CHSY3: variants seen among roughly 807,000 people sequenced by gnomAD.
CHSY3 encodes chondroitin sulfate synthase 3.
CHSY3 carries 35 observed loss-of-function variants against 67.2 expected under a neutral mutation model. The ratio of observed to expected loss-of-function variants is 0.52; its 90% CI spans 0.40 to 0.69. The LOEUF is 0.69. Among genes scored for constraint, CHSY3 ranks in the 30% least tolerant of loss-of-function variants. The probability of loss-of-function intolerance (pLI) is 0.00; values close to 1 mark genes in which losing one functional copy is unlikely to be tolerated. For missense variants in CHSY3, 1,069 were observed against 1,138.5 expected (o/e 0.94, Z 0.88); for synonymous variants, 474 against 434.7 (o/e 1.09, Z -1.12).
At chr5:130,037,405 G>T (rs1764890908) in intron 2 of CHSY3, among the ~76,000 whole-genome samples, 1 of 151,926 alleles carries the variant, frequency 6.6e-6, no homozygotes, top group African/African-American at 2.4e-5. Flanking sequence ...TGTTAGAGTT[G>T]GCGAAATAAA....
chr5:130,185,666 T>A lies in CHSY3; in HGVS notation c.2524T>A (p.Leu842Met). ...IFHPVHCDPNLDPKQYKMCLG... is the reference protein window; with the variant it reads ...IFHPVHCDPNMDPKQYKMCLG... ...CCATCCAGTTCATTGTGATCCTAAC[T>A]TGGACCCTAAGCAGTATAAGATGTG... Residue 842 changes from leucine (L) to methionine (M), a missense_variant, in exon 3 of 3, where the codon TTG becomes ATG. By Grantham distance (15) the Leu-to-Met change is conservative. Transcript: ENST00000305031. 6.2e-7 allele frequency: 1 copy of A among 1,614,088 alleles called. No homozygotes were observed. The highest frequency in any genetic ancestry group is 1.1e-5 in the South Asian group (1 of 91,082).
At chr5:130,158,008 C>T (rs1257942861) in intron 2 of CHSY3, among the ~76,000 whole-genome samples, 1 of 152,182 alleles carries the variant, frequency 6.6e-6, no homozygotes, top group East Asian at 1.9e-4. Flanking sequence ...CATGCTATTG[C>T]ATTATAATTG....
chr5:129,956,503 T>C (rs1762178387), intron 2 of CHSY3, among the ~76,000 whole-genome samples: 1 of 152,058 alleles, frequency 6.6e-6, no homozygotes. Context: ...ATCCTGTGGG[T>C]TGTGTATTTA....
At chr5:130,083,136 T>C (rs1261624732) in intron 2 of CHSY3, among the ~76,000 whole-genome samples, 1 of 152,088 alleles carries the variant, frequency 6.6e-6, no homozygotes, top group Non-Finnish European at 1.5e-5. Flanking sequence ...AGAAACATAC[T>C]TTTCCAAGAC....
At chr5:130,095,054 T>C (rs771180501) in intron 2 of CHSY3, among the ~76,000 whole-genome samples, 9 of 152,002 alleles carry the variant, frequency 5.9e-5, no homozygotes, top group Non-Finnish European at 1.0e-4. Context: ...AATGTGGATA[T>C]ACTAAAAAAT....
chr5:130,180,273 G>A (rs1203366214), intron 2 of CHSY3, among the ~76,000 whole-genome samples: 1 of 152,064 alleles, frequency 6.6e-6, no homozygotes, highest in Non-Finnish European at 1.5e-5. Flanking sequence ...TGGTGACTAT[G>A]TATTATTCCA....
At chr5:129,963,289 A>G (rs974005834) in intron 2 of CHSY3, among the ~76,000 whole-genome samples, 8 of 151,990 alleles carry the variant, frequency 5.3e-5, no homozygotes, top group Non-Finnish European at 7.4e-5. Context: ...ACCTTGGTTG[A>G]TAGCTTACTT....
chr5:130,112,292 A>G (rs1767614518), intron 2 of CHSY3, among the ~76,000 whole-genome samples: 1 of 152,134 alleles, frequency 6.6e-6, no homozygotes, highest in South Asian at 2.1e-4. Context: ...AATGCTCTAG[A>G]AAGTTATTTT....
intron 2 of CHSY3, among the ~76,000 whole-genome samples, chr5:130,055,700 C>G (rs575397942): frequency 1.3e-5 from 2 of 152,002 alleles, no homozygotes; most frequent in Non-Finnish European, 2.9e-5. Flanking sequence ...ACAGCAGCAG[C>G]AGCTGCTGCT....
rs1017122947 is a variant in CHSY3 at position 130,055,313 on chromosome 5, A to G, written c.1087-128916A>G. 2.3e-4 allele frequency among the ~76,000 whole-genome samples: 34 copies of G among 149,868 alleles called. 1 individual carries two copies. Among genetic ancestry groups the G allele is most frequent in the Non-Finnish European group, 4.1e-4 (28 of 67,716 alleles). ...AAAAAAAAGTCGTTTTGAACTATGG[A>G]TATGGAGGTCTACAAAAGTGTTATA... On this transcript the variant is annotated intron_variant, in intron 2 of 2. Coordinates refer to ENST00000305031, the MANE Select transcript of CHSY3 (RefSeq NM_175856.5).
intron 2 of CHSY3, among the ~76,000 whole-genome samples, chr5:130,169,091 A>T (rs1769827573): frequency 6.6e-6 from 1 of 152,152 alleles, no homozygotes; most frequent in Non-Finnish European, 1.5e-5. Flanking sequence ...ATTGTCATAG[A>T]GTATAGTATG....
chr5:129,935,346 ACT>A (rs1468028010), intron 2 of CHSY3, among the ~76,000 whole-genome samples: 1 of 152,122 alleles, frequency 6.6e-6, no homozygotes, highest in Non-Finnish European at 1.5e-5. Context: ...CTATATTTTT[ACT>A]CTGTGTCCCT....
chr5:130,143,812 A>G (rs867696649), intron 2 of CHSY3, among the ~76,000 whole-genome samples: 3,561 of 66,424 alleles, frequency 0.054, 148 homozygotes, highest in African/African-American at 0.068. Flanking sequence ...ATATGTGTGT[A>G]TATATATATA....
Position 130,138,895 on chromosome 5 carries a change from C to T in CHSY3, c.1087-45334C>T, listed in dbSNP as rs186761496. Among the ~76,000 whole-genome samples, 27 of 152,234 alleles carry T rather than the reference C, an allele frequency of 1.8e-4. No individual in the cohort carries two copies. The East Asian group carries it at 5.2e-3, about 29-fold the overall frequency. Reference sequence around the variant, plus strand: ...GTGTCCCTTAAGTGAATGCATCATTCTGAGAATATGTTCTGAGAAATGCAT... The same window carrying T: ...GTGTCCCTTAAGTGAATGCATCATTTTGAGAATATGTTCTGAGAAATGCAT... On this transcript the variant is annotated intron_variant, in intron 2 of 2. Coordinates refer to ENST00000305031, the MANE Select transcript of CHSY3 (RefSeq NM_175856.5).
intron 2 of CHSY3, among the ~76,000 whole-genome samples, chr5:129,949,088 T>A (rs1761949024): frequency 6.6e-6 from 1 of 152,192 alleles, no homozygotes; most frequent in Non-Finnish European, 1.5e-5. Context: ...AACAGGAAAC[T>A]ATCACAGTCA....
intron 2 of CHSY3, among the ~76,000 whole-genome samples, chr5:130,039,833 TC>T (rs893882770): frequency 2.1e-4 from 32 of 152,194 alleles, no homozygotes; most frequent in Middle Eastern, 3.4e-3. Flanking sequence ...TGTGAAAACT[TC>T]CCCCTAAATA....
chr5:130,143,811 T>A (rs1415516858), intron 2 of CHSY3, among the ~76,000 whole-genome samples: 1 of 24,982 alleles, frequency 4.0e-5, no homozygotes, highest in East Asian at 1.3e-3. Context: ...TATATGTGTG[T>A]ATATATATAT....
chr5:130,007,656 G>T (rs936459747), intron 2 of CHSY3, among the ~76,000 whole-genome samples: 2 of 152,166 alleles, frequency 1.3e-5, no homozygotes, highest in South Asian at 2.1e-4. Context: ...AGTTTGCAGG[G>T]TCACGACTCA....
At chr5:130,069,353 T>G (rs555530380) in intron 2 of CHSY3, among the ~76,000 whole-genome samples, 21 of 152,034 alleles carry the variant, frequency 1.4e-4, no homozygotes, top group Non-Finnish European at 2.6e-4. Context: ...TAAACCAAGA[T>G]AGAAGAAGAG....
Sources: allele counts gnomAD v4.1 joint callset (sites outside exome capture counted in the v4.1 genomes callset), GRCh38; gene constraint gnomAD v4.1.1; transcripts MANE v1.5; gene names NCBI Gene and HGNC (gene_info 2026-07-23, HGNC 2026-07-21).